Variants in C15orf61 observed in about 807,000 individuals in gnomAD.
C15orf61 encodes the protein uncharacterized protein C15orf61.
Under a neutral mutation model 13.7 loss-of-function variants are expected in C15orf61, and 12 were observed. The observed-to-expected ratio is 0.88, with a 90% CI of 0.56 to 1.42. C15orf61 has a LOEUF of 1.42. Ranked by LOEUF, C15orf61 falls within the 40% of genes most tolerant of loss-of-function variation. The pLI is 0.00. For synonymous variants in C15orf61, 92 were observed against 94.1 expected, an observed-to-expected ratio of 0.98 and a Z score of 0.13; for missense variants, 248 against 213.2, an observed-to-expected ratio of 1.16 and a Z score of -1.02.
At chr15:67,526,385 A>G in intron 1 of C15orf61, 33 bp from the exon 2 acceptor site, 1 of 1,405,092 alleles carries the variant, frequency 7.1e-7, no homozygotes, top group African/African-American at 1.4e-5. Flanking sequence ...ATTAATAAGC[A>G]TTGATGTTTA....
chr15:67,521,454 A>C lies in C15orf61; in HGVS notation c.206A>C (p.Asn69Thr). 2.6e-6 allele frequency: 4 copies of C among 1,547,900 alleles called. No individual in the cohort carries two copies. Among genetic ancestry groups the C allele is most frequent in the Non-Finnish European group, 3.5e-6 (4 of 1,146,768 alleles). The stretch of plus-strand genomic sequence containing the variant: ...GACCAGTTCGGCCTCTCGCACTTCA[A>C]CTGGCCGGTGCAGGGCGCCAACTAC... ...RNDQFGLSHF[N>T]WPVQGANYHV... is the part of the protein sequence containing the mutation. Residue 69 changes from asparagine (N) to threonine (T), a missense_variant, in exon 1 of 2, where the codon AAC becomes ACC. Physicochemically the swap from Asn to Thr is moderately conservative, Grantham distance 65. Coordinates refer to ENST00000342683, the MANE Select transcript of C15orf61 (RefSeq NM_001143936.2).
rs2140926522 is a variant in C15orf61 at position 67,521,800 on chromosome 15, CGCCTG to C, written c.346+207_346+211del. 9.4e-6 allele frequency: 6 copies of C among 636,020 alleles called. No homozygotes were observed. In the East Asian group the frequency reaches 1.7e-4, roughly 18 times the overall value. 39.4% of individuals were successfully genotyped at this position (636,020 alleles called of 1,614,324 possible). On this transcript the variant is annotated intron_variant, in intron 1 of 1. Coordinates refer to ENST00000342683, the MANE Select transcript of C15orf61 (RefSeq NM_001143936.2). Reference sequence around the variant, plus strand: ...TGAGCTCCTGGCACCCGAAGCCGTTCGCCTGCTGCGGGCGCGTCCTCGGGCCTAGG... The same window carrying C: ...TGAGCTCCTGGCACCCGAAGCCGTTCCTGCGGGCGCGTCCTCGGGCCTAGG...
rs1174293633 is a variant in C15orf61 at position 67,521,531 on chromosome 15, G to T, written c.283G>T (p.Ala95Ser). Residue 95 changes from alanine to serine, a missense_variant, in exon 1 of 2, where the codon GCT becomes TCT. Coordinates refer to ENST00000342683, the MANE Select transcript of C15orf61 (RefSeq NM_001143936.2). ...FPFIKYHCSK[A>S]PWQDLARQNR... ...CTTCATCAAGTACCACTGCTCCAAG[G>T]CTCCCTGGCAGGACCTGGCCCGGCA... The T allele has an allele frequency of 1.1e-5, 17 of 1,547,614 alleles. No homozygotes were observed. The highest frequency in any genetic ancestry group is 1.7e-6 in the Non-Finnish European group (2 of 1,146,426).
Position 67,521,535 on chromosome 15 carries a change from C to T in C15orf61, c.287C>T (p.Pro96Leu). 1.3e-6 allele frequency: 2 copies of T among 1,547,248 alleles called. No individual in the cohort carries two copies. The highest frequency in any genetic ancestry group is 1.7e-6 in the Non-Finnish European group (2 of 1,146,136). The change falls in exon 1 of 2, where the codon CCC becomes CTC. Residue 96 changes from proline to leucine, a missense_variant. By Grantham distance (98) the Pro-to-Leu change is moderately conservative (BLOSUM62 -3). Transcript: ENST00000342683. Reference protein sequence around the residue: ...PFIKYHCSKAPWQDLARQNRF... With the variant: ...PFIKYHCSKALWQDLARQNRF... ...ATCAAGTACCACTGCTCCAAGGCTC[C>T]CTGGCAGGACCTGGCCCGGCAGAAC...
Position 67,526,585 on chromosome 15 carries a change from C to T in C15orf61, c.*40C>T. On this transcript the variant is annotated 3_prime_UTR_variant, in exon 2 of 2. Transcript: ENST00000342683. ...GAACATAAATATCAGTGGATTTTCT[C>T]TGTGTATATGTGCAGTATTTATTTT... is the stretch of plus-strand genomic sequence containing the variant. 6.8e-7 allele frequency: 1 copy of T among 1,473,478 alleles called. No individual in the cohort carries two copies. The highest frequency in any genetic ancestry group is 9.1e-7 in the Non-Finnish European group (1 of 1,101,864). 91.3% of individuals were successfully genotyped at this position (1,473,478 alleles called of 1,614,324 possible).
At position 67,528,650 on chromosome 15, in the gene C15orf61, T is replaced by G. The variant is rs987294358; in HGVS notation, c.*2105T>G. 4 of 152,204 alleles carry G rather than the reference T, an allele frequency of 2.6e-5. No homozygotes were observed. The highest frequency in any genetic ancestry group is 7.2e-5 in the African/African-American group (3 of 41,448). 9.4% of individuals were successfully genotyped at this position (152,204 alleles called of 1,614,324 possible). A position where few individuals can be genotyped will look rare whatever the true frequency, so the allele number is the denominator to read the frequency against. The stretch of plus-strand genomic sequence containing the variant: ...TAAAGCTGCATATTACACCAAAGTA[T>G]TATGGCCTGAAAGGGAGAAAGTATA... On this transcript the variant is annotated 3_prime_UTR_variant, in exon 2 of 2. Transcript: ENST00000342683.
intron 1 of C15orf61, 60 bp from the exon 2 acceptor site, chr15:67,526,358 G>A (rs1018964154): frequency 1.5e-5 from 17 of 1,108,794 alleles, no homozygotes; most frequent in Non-Finnish European, 2.2e-5. Context: ...TGTTATACGT[G>A]ATCAGTAACT....
chr15:67,525,410 A>G lies in C15orf61; in HGVS notation c.347-1008A>G, dbSNP rs1193325680. Among the ~76,000 whole-genome samples the G allele has an allele frequency of 6.6e-6, 1 of 152,222 alleles. No individual in the cohort carries two copies. Among genetic ancestry groups the G allele is most frequent in the African/African-American group, 2.4e-5 (1 of 41,474 alleles). The stretch of plus-strand genomic sequence containing the variant: ...ATATGCATGTGAGTGCTTAATACAT[A>G]TCTCTGGATAGTGTGTTTAGTTTCA... On this transcript the variant is annotated intron_variant, in intron 1 of 1. Coordinates refer to ENST00000342683, the MANE Select transcript of C15orf61 (RefSeq NM_001143936.2). The surrounding 1 kb of genome is among the most constrained non-coding windows in gnomAD (Gnocchi z 4.9).
chr15:67,521,525 TC>T lies in C15orf61; in HGVS notation c.279del (p.Lys94ArgfsTer50). ...GCFPFIKYHC[S>X]KAPWQDLARQ... Reference sequence around the variant, plus strand: ...CTTCCCCTTCATCAAGTACCACTGCTCCAAGGCTCCCTGGCAGGACCTGGCC... The same window carrying T: ...CTTCCCCTTCATCAAGTACCACTGCTCAAGGCTCCCTGGCAGGACCTGGCC... On this transcript the variant is annotated frameshift_variant, in exon 1 of 2. Transcript: ENST00000342683. LOFTEE classifies it high-confidence loss of function. 6.5e-7 allele frequency: 1 copy of T among 1,548,098 alleles called. No individual in the cohort carries two copies. The highest frequency in any genetic ancestry group is 8.7e-7 in the Non-Finnish European group (1 of 1,146,492).
rs1477555673 is a variant in C15orf61 at position 67,529,973 on chromosome 15, C to G, written c.*3428C>G. On this transcript the variant is annotated 3_prime_UTR_variant, in exon 2 of 2. Transcript: ENST00000342683. The surrounding 1 kb of genome is among the most constrained non-coding windows in gnomAD (Gnocchi z 4.4). The stretch of plus-strand genomic sequence containing the variant: ...CTAGTGGATTAAGTATCTACTGTTA[C>G]TCAAACAATAATGACATTTGGGGGC... 1 of 152,196 alleles carries G rather than the reference C, an allele frequency of 6.6e-6. No homozygotes were observed. Among genetic ancestry groups the G allele is most frequent in the Admixed American group, 6.5e-5 (1 of 15,270 alleles). 9.4% of individuals were successfully genotyped at this position (152,196 alleles called of 1,614,324 possible). A position where few individuals can be genotyped will look rare whatever the true frequency, so the allele number is the denominator to read the frequency against.
Position 67,521,493 on chromosome 15 carries a change from C to G in C15orf61, c.245C>G (p.Thr82Ser), listed in dbSNP as rs1269133280. The G allele has an allele frequency of 6.5e-7, 1 of 1,548,510 alleles. No homozygotes were observed. The highest frequency in any genetic ancestry group is 1.2e-5 in the South Asian group (1 of 84,008). The change falls in exon 1 of 2, where the codon ACC (threonine) becomes AGC (serine). Residue 82 changes from threonine (T) to serine (S), a missense_variant. Physicochemically the swap from Thr to Ser is moderately conservative, Grantham distance 58 (BLOSUM62 1). Transcript: ENST00000342683. ...VQGANYHVLR[T>S]GCFPFIKYHC... ...GGCGCCAACTACCACGTCCTGCGCA[C>G]CGGCTGCTTCCCCTTCATCAAGTAC...
In C15orf61 at chr15:67,522,164, T is replaced by C. The variant is rs958374908; in HGVS notation, c.346+570T>C. On this transcript the variant is annotated intron_variant, in intron 1 of 1. Coordinates refer to ENST00000342683, the MANE Select transcript of C15orf61 (RefSeq NM_001143936.2). ...TTTTTAAAGATCTTTAATATTTGTATATTTTCATGGAGACGCCCTGAGGAT... is the reference window on the plus strand; with the variant it reads ...TTTTTAAAGATCTTTAATATTTGTACATTTTCATGGAGACGCCCTGAGGAT... 6 of 701,798 alleles carry C rather than the reference T, an allele frequency of 8.5e-6. No individual in the cohort carries two copies. In the Admixed American group the frequency reaches 1.2e-4, roughly 14 times the overall value. 43.5% of individuals were successfully genotyped at this position (701,798 alleles called of 1,614,324 possible).
At chr15:67,522,163 A>G in intron 1 of C15orf61, 1 of 701,846 alleles carries the variant, frequency 1.4e-6, no homozygotes, top group East Asian at 2.7e-5. Flanking sequence ...TAATATTTGT[A>G]TATTTTCATG....
Position 67,521,508 on chromosome 15 carries a change from T to G in C15orf61, c.260T>G (p.Phe87Cys). The G allele has an allele frequency of 1.9e-6, 3 of 1,548,510 alleles. No homozygotes were observed. The highest frequency in any genetic ancestry group is 2.6e-6 in the Non-Finnish European group (3 of 1,146,682). Reference sequence around the variant, plus strand: ...GTCCTGCGCACCGGCTGCTTCCCCTTCATCAAGTACCACTGCTCCAAGGCT... The same window carrying G: ...GTCCTGCGCACCGGCTGCTTCCCCTGCATCAAGTACCACTGCTCCAAGGCT... ...YHVLRTGCFPFIKYHCSKAPW... is the reference protein window; with the variant it reads ...YHVLRTGCFPCIKYHCSKAPW... The change falls in exon 1 of 2, where the codon TTC (phenylalanine) becomes TGC (cysteine). Residue 87 changes from phenylalanine (F) to cysteine (C), a missense_variant. Coordinates refer to ENST00000342683, the MANE Select transcript of C15orf61 (RefSeq NM_001143936.2).
At position 67,521,932 on chromosome 15, in the gene C15orf61, C is replaced by T. The variant is rs533684172; in HGVS notation, c.346+338C>T. On this transcript the variant is annotated intron_variant, in intron 1 of 1. Coordinates refer to ENST00000342683, the MANE Select transcript of C15orf61 (RefSeq NM_001143936.2). ...TCAGGAAACGCCCCCTAGAAAGTGG[C>T]TCTGAAGTTGACATCCGTCCTACTG... 73 of 683,888 alleles carry T rather than the reference C, an allele frequency of 1.1e-4. No individual in the cohort carries two copies. The African/African-American group carries it at 1.2e-3, about 11-fold the overall frequency. The allele number at this position is 683,888 out of a possible 1,614,324, so 42.4% of individuals were successfully genotyped here.
rs1190521615 is a variant in C15orf61, at chr15:67,526,441, C to T, written c.370C>T (p.Leu124Phe). 4.6e-6 allele frequency: 7 copies of T among 1,532,334 alleles called. No homozygotes were observed. The highest frequency in any genetic ancestry group is 6.2e-6 in the Non-Finnish European group (7 of 1,130,408). The allele number at this position is 1,532,334 out of a possible 1,614,324, so 94.9% of individuals were successfully genotyped here. A position where few individuals can be genotyped will look rare whatever the true frequency, so the allele number is the denominator to read the frequency against. Reference sequence around the variant, plus strand: ...AGGTATTCCAACTTTATTATATGGACTTGGCTCCTGGTTATTTGCCAGAGT... The same window carrying T: ...AGGTATTCCAACTTTATTATATGGATTTGGCTCCTGGTTATTTGCCAGAGT... ...NLGIPTLLYG[L>F]GSWLFARVTE... The change falls in exon 2 of 2, where the codon CTT becomes TTT. Residue 124 changes from leucine (L) to phenylalanine (F), a missense_variant. Coordinates refer to ENST00000342683, the MANE Select transcript of C15orf61 (RefSeq NM_001143936.2).
chr15:67,526,687 C>T lies in C15orf61; in HGVS notation c.*142C>T, dbSNP rs1193329851. 7 of 813,316 alleles carry T rather than the reference C, an allele frequency of 8.6e-6. No individual in the cohort carries two copies. The highest frequency in any genetic ancestry group is 1.2e-5 in the Non-Finnish European group (7 of 567,954). The allele number at this position is 813,316 out of a possible 1,614,324, so 50.4% of individuals were successfully genotyped here. On this transcript the variant is annotated 3_prime_UTR_variant, in exon 2 of 2. Coordinates refer to ENST00000342683, the MANE Select transcript of C15orf61 (RefSeq NM_001143936.2). ...TGCTTCTTTAAGATGAATCATTGCC[C>T]TCAAGAGGTGAAGCTTTTTATACAT...
chr15:67,522,323 C>A lies in C15orf61; in HGVS notation c.346+729C>A, dbSNP rs1218486406. 4 of 678,936 alleles carry A rather than the reference C, an allele frequency of 5.9e-6. No individual in the cohort carries two copies. In the East Asian group the frequency reaches 1.1e-4, roughly 18 times the overall value. The allele number at this position is 678,936 out of a possible 1,614,324, so 42.1% of individuals were successfully genotyped here. A position where few individuals can be genotyped will look rare whatever the true frequency, so the allele number is the denominator to read the frequency against. On this transcript the variant is annotated intron_variant, in intron 1 of 1. Coordinates refer to ENST00000342683, the MANE Select transcript of C15orf61 (RefSeq NM_001143936.2). The stretch of plus-strand genomic sequence containing the variant: ...CAAGATGTTTTGAACTTACTAATAG[C>A]TGGCATAAAATCAATCTAGATTTCA...
chr15:67,521,408 C>T lies in C15orf61; in HGVS notation c.160C>T (p.Pro54Ser), dbSNP rs2084159938. The T allele has an allele frequency of 6.5e-7, 1 of 1,543,678 alleles. No individual in the cohort carries two copies. Among genetic ancestry groups the T allele is most frequent in the Non-Finnish European group, 8.7e-7 (1 of 1,146,526 alleles). ...RLPHWTSFCV[P>S]YSAVRNDQFG... Reference sequence around the variant, plus strand: ...GCCGCACTGGACCTCCTTCTGCGTGCCCTACAGCGCCGTCCGCAACGACCA... The same window carrying T: ...GCCGCACTGGACCTCCTTCTGCGTGTCCTACAGCGCCGTCCGCAACGACCA... Residue 54 changes from proline (P) to serine (S), a missense_variant, in exon 1 of 2, where the codon CCC becomes TCC. Pro to Ser is a moderately conservative substitution (Grantham distance 74). Transcript: ENST00000342683.
Sources: allele counts gnomAD v4.1 joint callset (sites outside exome capture counted in the v4.1 genomes callset), GRCh38; gene constraint gnomAD v4.1.1; non-coding constraint Gnocchi (gnomAD v3.1); transcripts MANE v1.5; gene names NCBI Gene and HGNC (gene_info 2026-07-23, HGNC 2026-07-21).